TBC1D22A: variants seen among roughly 807,000 people sequenced by gnomAD.
TBC1D22A encodes putative GTPase activator.
Under a neutral mutation model 60.2 loss-of-function variants are expected in TBC1D22A, and 38 were observed. That is an observed-to-expected ratio of 0.63 (90% CI 0.49 to 0.83). The LOEUF is 0.83. TBC1D22A is among the 40% of genes least tolerant of loss of function. The probability of loss-of-function intolerance (pLI) is 0.00; values close to 1 mark genes in which losing one functional copy is unlikely to be tolerated. For synonymous variants in TBC1D22A, 302 were observed against 281.7 expected, an observed-to-expected ratio of 1.07 and a Z score of -0.72; for missense variants, 628 against 701.0, an observed-to-expected ratio of 0.90 and a Z score of 1.18.
chr22:46,806,013 C>CGGCCCT lies in TBC1D22A; in HGVS notation c.637+8396_637+8397insCCTGGC, dbSNP rs1482099392. 5.9e-5 allele frequency among the ~76,000 whole-genome samples: 9 copies of CGGCCCT among 152,014 alleles called. No homozygotes were observed. In the East Asian group the frequency reaches 1.2e-3, roughly 20 times the overall value. On this transcript the variant is annotated intron_variant, in intron 4 of 12. Transcript: ENST00000337137. ...GATTACAGGCACCCACCACCACACCCGGCTAAGTTTTGTATTTTTAGTAGA... is the reference window on the plus strand; with the variant it reads ...GATTACAGGCACCCACCACCACACCCGGCCCTGGCTAAGTTTTGTATTTTTAGTAGA...
intron 11 of TBC1D22A, among the ~76,000 whole-genome samples, chr22:47,081,950 G>GAC (rs1439312272): frequency 6.6e-6 from 1 of 152,162 alleles, no homozygotes; most frequent in Non-Finnish European, 1.5e-5. Flanking sequence ...CTGAGGTCAG[G>GAC]AGTTCAAGAC....
intron 11 of TBC1D22A, among the ~76,000 whole-genome samples, chr22:47,061,998 G>A (rs563518213): frequency 4.2e-5 from 6 of 143,482 alleles, no homozygotes; most frequent in Non-Finnish European, 9.0e-5. Flanking sequence ...TGAGGCAGGA[G>A]GATTGCTTGA....
At chr22:47,064,950 AG>A (rs1029602201) in intron 11 of TBC1D22A, among the ~76,000 whole-genome samples, 4 of 152,162 alleles carry the variant, frequency 2.6e-5, no homozygotes, top group Non-Finnish European at 5.9e-5. Context: ...GGATGTATCA[AG>A]GTTTTTAAAA....
At chr22:46,975,872 T>G (rs937393241) in intron 9 of TBC1D22A, among the ~76,000 whole-genome samples, 3 of 152,206 alleles carry the variant, frequency 2.0e-5, no homozygotes, top group African/African-American at 7.2e-5. Flanking sequence ...TGTTGTGCGG[T>G]TGGAGAATGG....
intron 8 of TBC1D22A, among the ~76,000 whole-genome samples, chr22:46,933,776 G>C (rs1314091492): frequency 1.3e-5 from 2 of 152,206 alleles, no homozygotes; most frequent in Non-Finnish European, 2.9e-5. Context: ...ACCACTGAAG[G>C]TTCAGTTCTG....
At chr22:46,975,256 C>G (rs150987866) in intron 9 of TBC1D22A, among the ~76,000 whole-genome samples, 19 of 152,196 alleles carry the variant, frequency 1.2e-4, no homozygotes, top group African/African-American at 4.3e-4. Flanking sequence ...TCCGGAAGCT[C>G]ACTCGGGGTG....
intron 4 of TBC1D22A, among the ~76,000 whole-genome samples, chr22:46,844,771 C>T (rs1427562482): frequency 6.6e-6 from 1 of 152,196 alleles, no homozygotes; most frequent in Non-Finnish European, 1.5e-5. Context: ...ACGGTCTGAG[C>T]ACAGTGAGGC....
At chr22:47,158,091 C>T (rs981887765) in intron 12 of TBC1D22A, among the ~76,000 whole-genome samples, 8 of 152,344 alleles carry the variant, frequency 5.3e-5, no homozygotes, top group South Asian at 4.1e-4. Flanking sequence ...CCCAGCACCA[C>T]GGCCTTCCAG....
intron 4 of TBC1D22A, among the ~76,000 whole-genome samples, chr22:46,877,768 C>T (rs2067634424): frequency 1.3e-5 from 2 of 152,190 alleles, no homozygotes; most frequent in Non-Finnish European, 2.9e-5. Flanking sequence ...AGATTCCTAA[C>T]TTAAAGGAAA....
chr22:46,836,201 A>T (rs1179170457), intron 4 of TBC1D22A, among the ~76,000 whole-genome samples: 2 of 152,258 alleles, frequency 1.3e-5, no homozygotes, highest in Non-Finnish European at 1.5e-5. Flanking sequence ...GATGGTGTGT[A>T]AATCACAGTT....
chr22:47,033,914 G>A (rs2062570153), intron 10 of TBC1D22A, among the ~76,000 whole-genome samples: 1 of 152,258 alleles, frequency 6.6e-6, no homozygotes, highest in East Asian at 1.9e-4. Context: ...CTGGGGGCCA[G>A]TGTCTCTTCA....
At chr22:47,041,701 G>A (rs1293684374) in intron 11 of TBC1D22A, among the ~76,000 whole-genome samples, 2 of 152,242 alleles carry the variant, frequency 1.3e-5, no homozygotes, top group Admixed American at 6.5e-5. Context: ...TCCTTGCCTC[G>A]AGAGGCTGCT....
intron 11 of TBC1D22A, among the ~76,000 whole-genome samples, chr22:47,063,751 C>T (rs977881607): frequency 6.6e-6 from 1 of 152,116 alleles, no homozygotes; most frequent in Non-Finnish European, 1.5e-5. Flanking sequence ...CTGGAAGCTT[C>T]GAGGGAGAAT....
At chr22:47,135,612 G>A (rs1275574828) in intron 12 of TBC1D22A, among the ~76,000 whole-genome samples, 1 of 152,214 alleles carries the variant, frequency 6.6e-6, no homozygotes, top group Non-Finnish European at 1.5e-5. Flanking sequence ...GAGGGGCCTC[G>A]AGGCCGGGTC....
At chr22:46,766,371 C>T (rs775559143) in intron 1 of TBC1D22A, among the ~76,000 whole-genome samples, 2 of 151,780 alleles carry the variant, frequency 1.3e-5, no homozygotes, top group Non-Finnish European at 2.9e-5. Context: ...TCATGTGATC[C>T]ACCAGCTTCA....
intron 10 of TBC1D22A, among the ~76,000 whole-genome samples, chr22:47,033,276 G>A (rs898214797): frequency 1.3e-5 from 2 of 152,214 alleles, no homozygotes; most frequent in African/African-American, 4.8e-5. Flanking sequence ...TGTAGCTGCA[G>A]ATTAACTTCA....
intron 12 of TBC1D22A, among the ~76,000 whole-genome samples, chr22:47,127,889 C>T (rs1430022358): frequency 6.6e-6 from 1 of 150,640 alleles, no homozygotes; most frequent in Non-Finnish European, 1.5e-5. Context: ...CCTGGCCCAG[C>T]CTTGAGGAGC....
chr22:46,971,590 C>A (rs73186536), intron 8 of TBC1D22A, among the ~76,000 whole-genome samples: 5,007 of 152,308 alleles, frequency 0.033, 100 homozygotes, highest in African/African-American at 0.055. Context: ...ACTTACCCTC[C>A]TGTCTATTTG....
At chr22:47,033,997 G>A (rs926316202) in intron 10 of TBC1D22A, among the ~76,000 whole-genome samples, 2 of 152,182 alleles carry the variant, frequency 1.3e-5, no homozygotes, top group Non-Finnish European at 2.9e-5. Context: ...AGCAGCCGTG[G>A]GATTAAATTC....
Sources: allele counts gnomAD v4.1 joint callset (sites outside exome capture counted in the v4.1 genomes callset), GRCh38; gene constraint gnomAD v4.1.1; transcripts MANE v1.5; gene names NCBI Gene and HGNC (gene_info 2026-07-23, HGNC 2026-07-21).